Variants in PDGFC observed in about 807,000 individuals in gnomAD.
PDGFC encodes platelet-derived growth factor C.
PDGFC carries 12 observed loss-of-function variants against 35.5 expected under a neutral mutation model. The ratio of observed to expected loss-of-function variants is 0.34; its 90% CI spans 0.22 to 0.55. The LOEUF (loss-of-function observed/expected upper bound fraction) is 0.55. PDGFC is among the 20% of genes least tolerant of loss of function. The probability of loss-of-function intolerance (pLI) is 0.91; values close to 1 mark genes in which losing one functional copy is unlikely to be tolerated. For missense variants in PDGFC, 322 were observed against 412.4 expected (o/e 0.78, Z 1.90); for synonymous variants, 159 against 148.8 (o/e 1.07, Z -0.50).
chr4:156,869,390 T>C (rs1729924921), intron 1 of PDGFC, among the ~76,000 whole-genome samples: 1 of 151,610 alleles, frequency 6.6e-6, no homozygotes, highest in South Asian at 2.1e-4. Context: ...GAGCCCAGAT[T>C]GCGCCACTGC....
chr4:156,837,486 AT>A (rs1729090975), intron 2 of PDGFC, among the ~76,000 whole-genome samples: 1 of 152,054 alleles, frequency 6.6e-6, no homozygotes, highest in South Asian at 2.1e-4. Context: ...TAACATGAAT[AT>A]TTCTTTGGTT....
intron 1 of PDGFC, among the ~76,000 whole-genome samples, chr4:156,958,961 A>AT (rs967880850): frequency 3.4e-4 from 52 of 152,160 alleles, no homozygotes; most frequent in African/African-American, 1.2e-3. Flanking sequence ...CTGTTGTTAG[A>AT]TTTTTTACTT....
chr4:156,846,375 A>C (rs1431353665), intron 2 of PDGFC, among the ~76,000 whole-genome samples: 1 of 151,776 alleles, frequency 6.6e-6, no homozygotes, highest in East Asian at 1.9e-4. Flanking sequence ...ATTATGAAGA[A>C]ATATGCAGAT....
At position 156,821,177 on chromosome 4, in the gene PDGFC, GTGTGTGTGTGTGTGTGTA is replaced by G. The variant is rs1401117614; in HGVS notation, c.315-10178_315-10161del. On this transcript the variant is annotated intron_variant, in intron 2 of 5. Transcript: ENST00000502773. ...GGAATGTTGCCTGTTGTATGTGTGT[GTGTGTGTGTGTGTGTGTA>G]TGTGTGTGTGTGTGTGAATGTGTGT... Among the ~76,000 whole-genome samples, 5 of 145,468 alleles carry G rather than the reference GTGTGTGTGTGTGTGTGTA, an allele frequency of 3.4e-5. No homozygotes were observed. In the South Asian group the frequency reaches 6.9e-4, roughly 20 times the overall value.
chr4:156,825,593 T>TGG (rs1553967787), intron 2 of PDGFC, among the ~76,000 whole-genome samples: 2 of 62,186 alleles, frequency 3.2e-5, no homozygotes, highest in Non-Finnish European at 5.6e-5. Flanking sequence ...ATAATAATAA[T>TGG]AAGAAGAAGA....
intron 3 of PDGFC, among the ~76,000 whole-genome samples, chr4:156,785,107 T>C (rs184232677): frequency 1.3e-5 from 2 of 152,346 alleles, no homozygotes; most frequent in East Asian, 1.9e-4. Context: ...AGGGATATGA[T>C]TGCCACTGTG....
intron 2 of PDGFC, among the ~76,000 whole-genome samples, chr4:156,843,010 C>T (rs758808910): frequency 2.0e-5 from 3 of 152,186 alleles, no homozygotes; most frequent in Non-Finnish European, 2.9e-5. Flanking sequence ...CTACAACACA[C>T]CCTCCTCTTC....
At chr4:156,823,990 A>G (rs1402610434) in intron 2 of PDGFC, among the ~76,000 whole-genome samples, 2 of 152,118 alleles carry the variant, frequency 1.3e-5, no homozygotes, top group Non-Finnish European at 2.9e-5. Context: ...AAAGACAAGT[A>G]CTAAATGATC....
intron 3 of PDGFC, 72 bp downstream of exon 3, chr4:156,810,765 G>GT: frequency 3.1e-6 from 3 of 961,938 alleles, no homozygotes; most frequent in Non-Finnish European, 4.7e-6. Context: ...ATTCTCATGT[G>GT]TAAGAGGAGA....
At chr4:156,807,728 C>T (rs1401995768) in intron 3 of PDGFC, among the ~76,000 whole-genome samples, 2 of 151,762 alleles carry the variant, frequency 1.3e-5, no homozygotes, top group East Asian at 1.9e-4. Flanking sequence ...TTTATAGTCC[C>T]AAAGAAGGCT....
At chr4:156,898,778 C>G (rs1207761716) in intron 1 of PDGFC, among the ~76,000 whole-genome samples, 1 of 152,146 alleles carries the variant, frequency 6.6e-6, no homozygotes, top group East Asian at 1.9e-4. Flanking sequence ...CTCCTGCCTC[C>G]CCCAGAGTAG....
At chr4:156,793,558 T>TATATATATATAA (rs1304794514) in intron 3 of PDGFC, among the ~76,000 whole-genome samples, 1 of 141,948 alleles carries the variant, frequency 7.0e-6, no homozygotes, top group South Asian at 2.2e-4. Context: ...TATATATATA[T>TATATATATATAA]ATATAAAACA....
intron 1 of PDGFC, among the ~76,000 whole-genome samples, chr4:156,930,723 C>G (rs2110874947): frequency 6.6e-6 from 1 of 152,122 alleles, no homozygotes; most frequent in East Asian, 1.9e-4. Flanking sequence ...CAAAAATTAG[C>G]TGGGAGTGGT....
At chr4:156,838,213 T>C (rs1176474646) in intron 2 of PDGFC, among the ~76,000 whole-genome samples, 1 of 152,216 alleles carries the variant, frequency 6.6e-6, no homozygotes, top group African/African-American at 2.4e-5. Context: ...GAGATGGTTA[T>C]TTTTGTACCA....
intron 4 of PDGFC, among the ~76,000 whole-genome samples, chr4:156,771,451 C>T (rs999984365): frequency 6.6e-6 from 1 of 152,084 alleles, no homozygotes; most frequent in Admixed American, 6.6e-5. Context: ...AAGTGTTGCT[C>T]GTAAGTTATT....
intron 2 of PDGFC, among the ~76,000 whole-genome samples, chr4:156,826,758 T>C (rs528560332): frequency 2.0e-5 from 3 of 152,290 alleles, no homozygotes; most frequent in East Asian, 3.9e-4. Context: ...ATCAAAGCAA[T>C]ACCATGACTT....
intron 2 of PDGFC, among the ~76,000 whole-genome samples, chr4:156,832,611 C>A (rs1728971687): frequency 2.0e-5 from 3 of 152,172 alleles, no homozygotes; most frequent in Admixed American, 2.0e-4. Flanking sequence ...ACATTCGAAA[C>A]CATCAATGGC....
intron 1 of PDGFC, among the ~76,000 whole-genome samples, chr4:156,947,689 T>C (rs1731979206): frequency 6.6e-6 from 1 of 151,986 alleles, no homozygotes; most frequent in Non-Finnish European, 1.5e-5. Context: ...CCTTTTCCCC[T>C]CAATCCTTTA....
intron 1 of PDGFC, among the ~76,000 whole-genome samples, chr4:156,861,077 G>T (rs1334825042): frequency 6.6e-6 from 1 of 152,076 alleles, no homozygotes; most frequent in African/African-American, 2.4e-5. Context: ...AAAATAATTT[G>T]CCAGGTAAAA....
Sources: gnomAD v4.1 joint callset for allele counts (sites outside exome capture counted in the v4.1 genomes callset) on GRCh38, gnomAD v4.1.1 for gene constraint, MANE v1.5 for transcripts, NCBI Gene and HGNC (gene_info 2026-07-23, HGNC 2026-07-21) for gene names.